NLGN1: variants seen among roughly 807,000 people sequenced by gnomAD.
NLGN1 encodes neuroligin-1.
Under a neutral mutation model 65.5 loss-of-function variants are expected in NLGN1, and 12 were observed. The ratio of observed to expected loss-of-function variants is 0.18; its 90% CI spans 0.12 to 0.30. NLGN1 has a LOEUF of 0.30. Ranked by LOEUF, NLGN1 falls within the 10% of genes least tolerant of loss-of-function variation. The probability of loss-of-function intolerance (pLI) is 1.00; values close to 1 mark genes in which losing one functional copy is unlikely to be tolerated. For synonymous variants in NLGN1, 350 were observed against 359.5 expected, an observed-to-expected ratio of 0.97 and a Z score of 0.30; for missense variants, 750 against 1,007.1, an observed-to-expected ratio of 0.74 and a Z score of 3.46.
At chr3:173,941,068 A>G (rs1746003832) in intron 4 of NLGN1, among the ~76,000 whole-genome samples, 1 of 152,156 alleles carries the variant, frequency 6.6e-6, no homozygotes, top group Non-Finnish European at 1.5e-5. Flanking sequence ...TATGAAGAGA[A>G]AACAGGTGAG....
chr3:173,707,546 C>T (rs534366729), intron 3 of NLGN1, among the ~76,000 whole-genome samples: 7 of 152,044 alleles, frequency 4.6e-5, no homozygotes, highest in African/African-American at 1.7e-4. Context: ...ATTCTTACCT[C>T]GGTAGAAAGT....
intron 4 of NLGN1, among the ~76,000 whole-genome samples, chr3:174,027,808 G>T (rs1016728800): frequency 1.3e-5 from 2 of 152,124 alleles, no homozygotes; most frequent in Admixed American, 1.3e-4. Context: ...GAGTTAATTT[G>T]CATAAAACTC....
rs532470351 is a variant in NLGN1 at position 173,949,292 on chromosome 3, A to G, written c.646+141460A>G. Among the ~76,000 whole-genome samples the G allele has an allele frequency of 5.3e-5, 8 of 152,282 alleles. No homozygotes were observed. In the South Asian group the frequency reaches 1.4e-3, roughly 28 times the overall value. ...CAAAAAGGGGCTTTATGTATGATGC[A>G]GCCTTTAGTCATTTTTCTCTCCTAG... On this transcript the variant is annotated intron_variant, in intron 4 of 6. Transcript: ENST00000457714.
intron 4 of NLGN1, among the ~76,000 whole-genome samples, chr3:174,108,862 T>C (rs1438833314): frequency 1.3e-5 from 2 of 152,098 alleles, no homozygotes; most frequent in Non-Finnish European, 2.9e-5. Flanking sequence ...ACTGATCTGC[T>C]GATCTGCTTG....
intron 2 of NLGN1, among the ~76,000 whole-genome samples, chr3:173,483,928 A>ATC (rs1207085404): frequency 6.6e-6 from 1 of 152,158 alleles, no homozygotes; most frequent in African/African-American, 2.4e-5. Flanking sequence ...GAAATGTAAC[A>ATC]GTTTATAATA....
At chr3:173,508,087 G>T (rs1322400024) in intron 2 of NLGN1, among the ~76,000 whole-genome samples, 2 of 152,120 alleles carry the variant, frequency 1.3e-5, no homozygotes, top group Non-Finnish European at 2.9e-5. Context: ...CTATAAAGAA[G>T]ATCCACTTTA....
At chr3:173,723,905 T>C (rs1771301887) in intron 3 of NLGN1, among the ~76,000 whole-genome samples, 1 of 152,176 alleles carries the variant, frequency 6.6e-6, no homozygotes, top group Non-Finnish European at 1.5e-5. Context: ...AGAGGTGTCA[T>C]GAAATGGTCA....
intron 4 of NLGN1, among the ~76,000 whole-genome samples, chr3:174,217,685 T>TA (rs1351248158): frequency 1.3e-5 from 2 of 152,040 alleles, no homozygotes; most frequent in Non-Finnish European, 2.9e-5. Flanking sequence ...ACATGAGTGT[T>TA]AGAGCTTCAA....
At chr3:173,608,574 A>G (rs1461258906) in intron 3 of NLGN1, among the ~76,000 whole-genome samples, 1 of 151,904 alleles carries the variant, frequency 6.6e-6, no homozygotes, top group Non-Finnish European at 1.5e-5. Context: ...ACAAGTAAGA[A>G]GGTAGACTCT....
chr3:174,196,213 T>G (rs546818783), intron 4 of NLGN1, among the ~76,000 whole-genome samples: 1 of 152,340 alleles, frequency 6.6e-6, no homozygotes, highest in Non-Finnish European at 1.5e-5. Context: ...GAATTCTTCA[T>G]AACCCAGAAC....
chr3:173,562,426 G>A (rs1446717854), intron 2 of NLGN1, among the ~76,000 whole-genome samples: 1 of 152,030 alleles, frequency 6.6e-6, no homozygotes, highest in Non-Finnish European at 1.5e-5. Context: ...AATTGACTGG[G>A]TATGGTGGTG....
chr3:173,859,378 G>A (rs1398032067), intron 4 of NLGN1, among the ~76,000 whole-genome samples: 4 of 152,018 alleles, frequency 2.6e-5, no homozygotes, highest in South Asian at 2.1e-4. Flanking sequence ...TCAGACATAC[G>A]TAAATGTGAC....
chr3:173,717,980 G>C (rs577977293), intron 3 of NLGN1, among the ~76,000 whole-genome samples: 9 of 152,084 alleles, frequency 5.9e-5, no homozygotes, highest in Non-Finnish European at 1.2e-4. Flanking sequence ...ATTTGAGAAT[G>C]TTAGAACTTC....
chr3:173,630,608 T>C (rs1033513937), intron 3 of NLGN1, among the ~76,000 whole-genome samples: 2 of 152,124 alleles, frequency 1.3e-5, no homozygotes, highest in Non-Finnish European at 2.9e-5. Flanking sequence ...ATCATTCTAA[T>C]TTAATAGTAT....
intron 4 of NLGN1, among the ~76,000 whole-genome samples, chr3:173,971,185 A>G (rs1716153647): frequency 1.3e-5 from 2 of 152,140 alleles, no homozygotes. Flanking sequence ...TCATAAAGGG[A>G]TATAAGAGAA....
At chr3:174,249,717 A>G (rs994279757) in intron 4 of NLGN1, among the ~76,000 whole-genome samples, 2 of 152,218 alleles carry the variant, frequency 1.3e-5, no homozygotes, top group Middle Eastern at 6.3e-3. Flanking sequence ...ACAAGTCATT[A>G]GCCTGGAAAT....
chr3:174,239,045 GTTCTTTCTTTCTTTT>G (rs1412116322), intron 4 of NLGN1, among the ~76,000 whole-genome samples: 1 of 151,756 alleles, frequency 6.6e-6, no homozygotes, highest in Admixed American at 6.6e-5. Flanking sequence ...ATATTGCCTA[GTTCTTTCTTTCTTTT>G]TTCTTTCTTT....
At chr3:173,792,618 C>A (rs7616834) in intron 3 of NLGN1, among the ~76,000 whole-genome samples, 3 of 151,816 alleles carry the variant, frequency 2.0e-5, no homozygotes, top group Non-Finnish European at 2.9e-5. Context: ...TTTTGTTCAA[C>A]GGCACAAGAC....
At chr3:173,660,124 G>T (rs902121239) in intron 3 of NLGN1, among the ~76,000 whole-genome samples, 2 of 151,788 alleles carry the variant, frequency 1.3e-5, no homozygotes, top group Admixed American at 1.3e-4. Context: ...TAGAGACAGC[G>T]GAGGCAGGTG....
Sources: gnomAD v4.1 joint callset for allele counts (sites outside exome capture counted in the v4.1 genomes callset) on GRCh38, gnomAD v4.1.1 for gene constraint, MANE v1.5 for transcripts, NCBI Gene and HGNC (gene_info 2026-07-23, HGNC 2026-07-21) for gene names.